CERS3: variants seen among roughly 807,000 people sequenced by gnomAD.
CERS3 encodes LAG1 homolog, ceramide synthase 3.
Under a neutral mutation model 50.3 loss-of-function variants are expected in CERS3, and 33 were observed. The observed-to-expected ratio is 0.66, with a 90% CI of 0.50 to 0.88. The LOEUF (loss-of-function observed/expected upper bound fraction) is 0.88. CERS3 is among the 40% of genes least tolerant of loss of function. The pLI is 0.00. For missense variants in CERS3, 470 were observed against 460.3 expected (o/e 1.02, Z -0.19); for synonymous variants, 176 against 155.2 (o/e 1.13, Z -0.99).
chr15:100,419,145 T>G (rs1345560324), intron 11 of CERS3, among the ~76,000 whole-genome samples: 28 of 124,120 alleles, frequency 2.3e-4, no homozygotes, highest in African/African-American at 3.2e-4. Flanking sequence ...GCAAATTGGA[T>G]AAAGAGTCAA....
chr15:100,455,051 GTTAAAAC>G (rs2034315469), intron 11 of CERS3, among the ~76,000 whole-genome samples: 1 of 152,214 alleles, frequency 6.6e-6, no homozygotes, highest in Admixed American at 6.5e-5. Context: ...TCTCACCCCA[GTTAAAAC>G]TGTTATTATT....
upstream of CERS3, among the ~76,000 whole-genome samples, chr15:100,529,887 G>A (rs995820051): frequency 2.0e-5 from 3 of 152,170 alleles, no homozygotes; most frequent in South Asian, 2.1e-4. Flanking sequence ...ATAGATGACC[G>A]CAAATTAAAA....
chr15:100,434,872 C>T (rs967415952), intron 11 of CERS3, among the ~76,000 whole-genome samples: 4 of 152,196 alleles, frequency 2.6e-5, no homozygotes, highest in South Asian at 4.1e-4. Flanking sequence ...TTCAGGATTA[C>T]ATAAAAATTC....
chr15:100,457,694 A>AT (rs2034421354), intron 10 of CERS3, among the ~76,000 whole-genome samples: 1 of 152,238 alleles, frequency 6.6e-6, no homozygotes, highest in Non-Finnish European at 1.5e-5. Flanking sequence ...ATAGGGGTAG[A>AT]ATTGTGTGCC....
intron 1 of CERS3, chr15:100,544,524 CGGCCGGGG>C (rs1407143044): frequency 7.0e-6 from 1 of 142,598 alleles, no homozygotes; most frequent in East Asian, 2.0e-4. Context: ...CGAGGACCCT[CGGCCGGGG>C]TCTGGGCGGC....
At chr15:100,455,827 A>C in intron 11 of CERS3, 66 bp downstream of exon 11, 4 of 948,220 alleles carry the variant, frequency 4.2e-6, no homozygotes, top group Non-Finnish European at 5.9e-6. Context: ...TGAACATTCA[A>C]CAGTCCGGGC....
rs74041462 is a variant in CERS3, at chr15:100,480,356, G to T, written c.408-310C>A. 6.8e-3 allele frequency among the ~76,000 whole-genome samples: 1,029 copies of T among 152,264 alleles called. 15 individuals are homozygous for T. The highest frequency in any genetic ancestry group is 0.023 in the African/African-American group (956 of 41,550). On this transcript the variant is annotated intron_variant, in intron 5 of 11. Coordinates refer to ENST00000679737, the MANE Select transcript of CERS3 (RefSeq NM_001378789.1). ...AACAATAAATGGCAGCCATTATTCT[G>T]GTTATAATGGCTAGCCCAGTTCCAG...
chr15:100,527,200 G>A (rs1183506711), intron 1 of CERS3, among the ~76,000 whole-genome samples: 1 of 152,106 alleles, frequency 6.6e-6, no homozygotes, highest in African/African-American at 2.4e-5. Flanking sequence ...GGGAGGCTGA[G>A]GCACGAGAAT....
chr15:100,503,669 T>C (rs577327389), intron 2 of CERS3: 6 of 470,520 alleles, frequency 1.3e-5, no homozygotes, highest in African/African-American at 1.2e-4. Context: ...GAGGACTGGA[T>C]TTCAAGCCCC....
intron 2 of CERS3, among the ~76,000 whole-genome samples, chr15:100,509,608 C>T (rs1027785835): frequency 9.2e-5 from 14 of 152,124 alleles, no homozygotes; most frequent in East Asian, 7.7e-4. Flanking sequence ...TTCACATTCG[C>T]GATCTCTGAA....
intron 4 of CERS3, among the ~76,000 whole-genome samples, chr15:100,487,789 TG>T (rs1288719340): frequency 6.6e-6 from 1 of 152,314 alleles, no homozygotes; most frequent in East Asian, 1.9e-4. Flanking sequence ...GCTCTAAAAA[TG>T]TTTGAATCTA....
At chr15:100,441,885 C>T (rs898900613) in intron 11 of CERS3, among the ~76,000 whole-genome samples, 9 of 152,098 alleles carry the variant, frequency 5.9e-5, no homozygotes, top group Non-Finnish European at 1.3e-4. Flanking sequence ...CAACCCCAAG[C>T]GTCGCTGAGT....
rs2034379333 is a variant in CERS3 at position 100,456,567 on chromosome 15, G to A, written c.846-521C>T. ...ACACTTCTGCTTCCTAAAGTAAATT[G>A]TATGCTTTATTAGTTTCATAAACAG... On this transcript the variant is annotated intron_variant, in intron 10 of 11. Coordinates refer to ENST00000679737, the MANE Select transcript of CERS3 (RefSeq NM_001378789.1). Among the ~76,000 whole-genome samples the A allele has an allele frequency of 2.0e-5, 3 of 152,152 alleles. No individual in the cohort carries two copies. In the South Asian group the frequency reaches 6.2e-4, roughly 32 times the overall value.
At chr15:100,467,806 T>TAC (rs10693037) in intron 10 of CERS3, among the ~76,000 whole-genome samples, 59,484 of 130,356 alleles carry the variant, frequency 0.46, 15,268 homozygotes, top group Non-Finnish European at 0.54. Flanking sequence ...TATATATATA[T>TAC]ACGTCTATAT....
chr15:100,483,803 C>T (rs1259600281), intron 5 of CERS3, among the ~76,000 whole-genome samples: 2 of 6,888 alleles, frequency 2.9e-4, no homozygotes, highest in African/African-American at 6.5e-4. Flanking sequence ...TTTTTTGAGA[C>T]AGAGTCTTGC....
rs957599426 is a variant in CERS3 at position 100,455,885 on chromosome 15, G to A, written c.999+8C>T. 1 of 1,601,174 alleles carries A rather than the reference G, an allele frequency of 6.2e-7. No homozygotes were observed. Among genetic ancestry groups the A allele is most frequent in the African/African-American group, 1.3e-5 (1 of 74,280 alleles). On this transcript the variant is annotated splice_region_variant and intron_variant, in intron 11 of 11. Transcript: ENST00000679737. ...CATTAAGAGCAATAATATTTGGACA[G>A]CCCTTACCTTCATGAATATACATCT...
Position 100,414,878 on chromosome 15 carries a change from C to CAA in CERS3, c.1000-12014_1000-12013insTT, listed in dbSNP as rs369782628. On this transcript the variant is annotated intron_variant, in intron 11 of 11. Coordinates refer to ENST00000679737, the MANE Select transcript of CERS3 (RefSeq NM_001378789.1). The stretch of plus-strand genomic sequence containing the variant: ...ATACCATTCAGGACATAGGCATGGG[C>CAA]AGACTTCATGACTAAGACACCAAAA... Among the ~76,000 whole-genome samples, 786 of 148,374 alleles carry CAA rather than the reference C, an allele frequency of 5.3e-3. 7 individuals are homozygous for CAA. The highest frequency in any genetic ancestry group is 0.019 in the African/African-American group (752 of 40,488).
chr15:100,496,969 T>C (rs2035834063), intron 3 of CERS3, among the ~76,000 whole-genome samples: 1 of 152,064 alleles, frequency 6.6e-6, no homozygotes, highest in Non-Finnish European at 1.5e-5. Context: ...CAGAGACATA[T>C]AAAAATAAGT....
intron 10 of CERS3, among the ~76,000 whole-genome samples, chr15:100,466,441 T>C (rs538310808): frequency 5.3e-5 from 8 of 152,218 alleles, no homozygotes; most frequent in African/African-American, 1.9e-4. Flanking sequence ...CATCAAGAAA[T>C]GGAGTCTAGT....
Sources: allele counts gnomAD v4.1 joint callset (sites outside exome capture counted in the v4.1 genomes callset), GRCh38; gene constraint gnomAD v4.1.1; transcripts MANE v1.5; gene names NCBI Gene and HGNC (gene_info 2026-07-23, HGNC 2026-07-21).